The following RABGAP1L variants were observed in gnomAD, a reference collection of about 807,000 sequenced individuals.
RABGAP1L encodes rab GTPase-activating protein 1-like.
In RABGAP1L, 63 loss-of-function variants were observed where a neutral mutation model predicts 137.7. The ratio of observed to expected loss-of-function variants is 0.46; its 90% CI spans 0.37 to 0.56. RABGAP1L has a LOEUF of 0.56. RABGAP1L is among the 20% of genes least tolerant of loss of function. The pLI, the probability that RABGAP1L is intolerant of heterozygous loss-of-function variation, is 0.00. For synonymous variants in RABGAP1L, 431 were observed against 433.7 expected (o/e 0.99, Z 0.08); for missense variants, 1,095 against 1,244.0 (o/e 0.88, Z 1.80).
intron 1 of RABGAP1L, among the ~76,000 whole-genome samples, chr1:174,187,233 TA>T (rs1666871045): frequency 1.3e-5 from 2 of 151,972 alleles, no homozygotes; most frequent in Middle Eastern, 3.4e-3. Context: ...ACAAGCCCAC[TA>T]ATATCACCCT....
At chr1:174,926,293 T>G (rs1458514524) in intron 19 of RABGAP1L, among the ~76,000 whole-genome samples, 1 of 152,206 alleles carries the variant, frequency 6.6e-6, no homozygotes, top group Non-Finnish European at 1.5e-5. Context: ...AATTTTTTGA[T>G]CACTTTGTCA....
At chr1:174,793,963 C>G (rs1688053592) in intron 18 of RABGAP1L, among the ~76,000 whole-genome samples, 1 of 152,194 alleles carries the variant, frequency 6.6e-6, no homozygotes, top group African/African-American at 2.4e-5. Flanking sequence ...TCCCAAAGTG[C>G]TGCGATTACA....
At chr1:174,224,168 T>C (rs1287103093) in intron 3 of RABGAP1L, among the ~76,000 whole-genome samples, 1 of 152,168 alleles carries the variant, frequency 6.6e-6, no homozygotes, top group Non-Finnish European at 1.5e-5. Flanking sequence ...GATAGTTGCA[T>C]ATCATTATAG....
At chr1:174,660,638 T>G (rs918538999) in intron 14 of RABGAP1L, among the ~76,000 whole-genome samples, 2 of 152,216 alleles carry the variant, frequency 1.3e-5, no homozygotes, top group Non-Finnish European at 2.9e-5. Flanking sequence ...GACTATTCTC[T>G]CTATCATGCA....
At position 174,575,332 on chromosome 1, in the gene RABGAP1L, C is replaced by T. The variant is rs187170646; in HGVS notation, c.1711-62043C>T. On this transcript the variant is annotated intron_variant, in intron 13 of 25. Transcript: ENST00000681986. ...ATTTTCCAAAGTGTTTATATCATTTCGGTTGTTGTTTTGACCCTTCTAATT... is the reference window on the plus strand; with the variant it reads ...ATTTTCCAAAGTGTTTATATCATTTTGGTTGTTGTTTTGACCCTTCTAATT... 1.7e-3 allele frequency among the ~76,000 whole-genome samples: 258 copies of T among 152,172 alleles called. 1 individual carries two copies. Among genetic ancestry groups the T allele is most frequent in the Non-Finnish European group, 3.1e-3 (210 of 68,010 alleles).
At chr1:174,576,336 C>T (rs145443457) in intron 13 of RABGAP1L, among the ~76,000 whole-genome samples, 2 of 152,158 alleles carry the variant, frequency 1.3e-5, no homozygotes, top group East Asian at 3.9e-4. Flanking sequence ...CCACAAGGGT[C>T]ACATTCCCTC....
chr1:174,252,732 T>C (rs1672813564), intron 7 of RABGAP1L, 142 bp downstream of exon 7: 2 of 1,296,736 alleles, frequency 1.5e-6, no homozygotes, highest in Middle Eastern at 2.2e-4. Context: ...TTCTCTACTT[T>C]AACTTAGATG....
intron 3 of RABGAP1L, among the ~76,000 whole-genome samples, chr1:174,228,452 C>T (rs1176821997): frequency 6.6e-6 from 1 of 152,054 alleles, no homozygotes; most frequent in East Asian, 1.9e-4. Flanking sequence ...CTTATTGTTG[C>T]TGCATAAGTG....
chr1:174,783,712 T>C (rs1044981283), intron 18 of RABGAP1L, among the ~76,000 whole-genome samples: 3 of 140,650 alleles, frequency 2.1e-5, no homozygotes, highest in African/African-American at 7.8e-5. Context: ...TTCTTCTTTT[T>C]TTTTTTTTTT....
intron 13 of RABGAP1L, among the ~76,000 whole-genome samples, chr1:174,400,564 T>A (rs2149100118): frequency 6.6e-6 from 1 of 152,306 alleles, no homozygotes; most frequent in Non-Finnish European, 1.5e-5. Flanking sequence ...ACTATAGCCT[T>A]ATATTGTGTT....
At chr1:174,708,365 T>A (rs917088722) in intron 17 of RABGAP1L, among the ~76,000 whole-genome samples, 2 of 151,992 alleles carry the variant, frequency 1.3e-5, no homozygotes, top group Admixed American at 1.3e-4. Context: ...GATGGCCAAA[T>A]AGGAAGAGCT....
chr1:174,207,087 G>A (rs977470442), intron 1 of RABGAP1L, among the ~76,000 whole-genome samples: 6 of 152,128 alleles, frequency 3.9e-5, no homozygotes, highest in East Asian at 3.9e-4. Flanking sequence ...CCTTATTTCC[G>A]TATATCTTTA....
intron 19 of RABGAP1L, among the ~76,000 whole-genome samples, chr1:174,887,381 A>C (rs1257581116): frequency 6.6e-6 from 1 of 152,216 alleles, no homozygotes; most frequent in Non-Finnish European, 1.5e-5. Context: ...ATTCATCATC[A>C]AAAAATGACA....
At chr1:174,245,620 A>T (rs944218847) in intron 5 of RABGAP1L, 2 of 150,328 alleles carry the variant, frequency 1.3e-5, no homozygotes, top group Middle Eastern at 3.4e-3. Flanking sequence ...GATTTTTCAC[A>T]TTTATTTCTT....
At chr1:174,470,829 A>T (rs145756635) in intron 13 of RABGAP1L, among the ~76,000 whole-genome samples, 2 of 152,090 alleles carry the variant, frequency 1.3e-5, no homozygotes, top group Non-Finnish European at 2.9e-5. Context: ...AACAGACCAT[A>T]CCAATTAATT....
At chr1:174,733,468 T>C (rs749462200) in intron 17 of RABGAP1L, among the ~76,000 whole-genome samples, 4 of 152,242 alleles carry the variant, frequency 2.6e-5, no homozygotes, top group Non-Finnish European at 4.4e-5. Flanking sequence ...TTTGTATTTA[T>C]TTCTCTACCT....
chr1:174,614,947 C>G (rs1384993931), intron 13 of RABGAP1L, among the ~76,000 whole-genome samples: 1 of 152,176 alleles, frequency 6.6e-6, no homozygotes, highest in Non-Finnish European at 1.5e-5. Flanking sequence ...TTAAGCACTT[C>G]TCTATATTGG....
intron 16 of RABGAP1L, among the ~76,000 whole-genome samples, 173 bp from the exon 17 acceptor site, chr1:174,701,940 T>G (rs892023954): frequency 6.6e-6 from 1 of 152,134 alleles, no homozygotes; most frequent in African/African-American, 2.4e-5. Flanking sequence ...ATCTGTCATA[T>G]CCCTAATTCT....
At chr1:174,751,709 A>G (rs978551594) in intron 17 of RABGAP1L, among the ~76,000 whole-genome samples, 12 of 152,224 alleles carry the variant, frequency 7.9e-5, no homozygotes, top group African/African-American at 2.9e-4. Flanking sequence ...AAATATTGCT[A>G]TGGTTTTCAG....
Sources: allele counts gnomAD v4.1 joint callset (sites outside exome capture counted in the v4.1 genomes callset), GRCh38; gene constraint gnomAD v4.1.1; transcripts MANE v1.5; gene names NCBI Gene and HGNC (gene_info 2026-07-23, HGNC 2026-07-21).